SV2C: variants seen among roughly 807,000 people sequenced by gnomAD.
SV2C encodes the protein synaptic vesicle glycoprotein 2C.
A neutral mutation model predicts 79.7 loss-of-function variants in SV2C; 49 were observed. That is an observed-to-expected ratio of 0.61 (90% CI 0.49 to 0.78). The LOEUF (loss-of-function observed/expected upper bound fraction) is 0.78, where lower values mean the gene tolerates loss of function less well. SV2C is among the 30% of genes least tolerant of loss of function. The probability of loss-of-function intolerance (pLI) is 0.00; values close to 1 mark genes in which losing one functional copy is unlikely to be tolerated. For missense variants in SV2C, 833 were observed against 912.9 expected, an observed-to-expected ratio of 0.91 and a Z score of 1.13; for synonymous variants, 334 against 333.2, an observed-to-expected ratio of 1.00 and a Z score of -0.03.
chr5:76,133,632 G>T (rs1385575910), intron 2 of SV2C, among the ~76,000 whole-genome samples: 1 of 152,186 alleles, frequency 6.6e-6, no homozygotes, highest in African/African-American at 2.4e-5. Context: ...AGGGGTGGGA[G>T]TCAGGAGCAT....
chr5:76,069,276 G>A, the SV2C span, among the ~76,000 whole-genome samples: 1 of 152,172 alleles, frequency 6.6e-6, no homozygotes. Context: ...CAGGCCATCT[G>A]TCTGACTTTA....
intron 1 of SV2C, among the ~76,000 whole-genome samples, chr5:76,116,959 C>T (rs550811547): frequency 7.1e-4 from 108 of 152,130 alleles, no homozygotes; most frequent in African/African-American, 2.6e-3. Flanking sequence ...CATACTTTAC[C>T]CGAGATGGGT....
the SV2C span, among the ~76,000 whole-genome samples, chr5:75,975,006 T>A: frequency 6.6e-6 from 1 of 152,284 alleles, no homozygotes; most frequent in African/African-American, 2.4e-5. Context: ...CTCTTAACTA[T>A]TATAGCATGC....
intron 2 of SV2C, chr5:76,174,164 A>T (rs1205552677): frequency 6.2e-7 from 1 of 1,612,564 alleles, no homozygotes; most frequent in East Asian, 2.2e-5. Flanking sequence ...GCCAAGAACG[A>T]CTAGCTTATA....
At chr5:75,992,695 T>A in the SV2C span, among the ~76,000 whole-genome samples, 65 of 152,088 alleles carry the variant, frequency 4.3e-4, 1 homozygote, top group Non-Finnish European at 8.1e-4. Flanking sequence ...CGTGTGACAT[T>A]TCACAAAAAT....
At chr5:75,872,055 TTATATATA>T in the SV2C span, among the ~76,000 whole-genome samples, 1 of 146,902 alleles carries the variant, frequency 6.8e-6, no homozygotes, top group African/African-American at 2.5e-5. Flanking sequence ...TCATATATAT[TTATATATA>T]CATATATATG....
the SV2C span, among the ~76,000 whole-genome samples, chr5:75,902,105 C>T: frequency 6.6e-6 from 1 of 152,142 alleles, no homozygotes; most frequent in African/African-American, 2.4e-5. Flanking sequence ...CTGACCTGTG[C>T]CCAGTGTCTG....
At chr5:76,152,136 G>GA (rs1749624945) in intron 2 of SV2C, among the ~76,000 whole-genome samples, 1 of 152,226 alleles carries the variant, frequency 6.6e-6, no homozygotes. Flanking sequence ...CTTCTGAGGG[G>GA]ACGGGGCTGA....
intron 4 of SV2C, among the ~76,000 whole-genome samples, chr5:76,246,344 A>C (rs1378880377): frequency 2.0e-5 from 3 of 152,218 alleles, no homozygotes; most frequent in Non-Finnish European, 2.9e-5. Context: ...AAATAGAAAA[A>C]TAAGTGATTA....
At chr5:75,857,458 A>G in the SV2C span, among the ~76,000 whole-genome samples, 2 of 151,762 alleles carry the variant, frequency 1.3e-5, no homozygotes, top group South Asian at 4.2e-4. Context: ...ATTCTGTTCC[A>G]TTGGTCTGTG....
chr5:75,875,351 A>G, the SV2C span, among the ~76,000 whole-genome samples: 16 of 152,202 alleles, frequency 1.1e-4, no homozygotes, highest in African/African-American at 3.6e-4. Context: ...AACTCAATAA[A>G]TGGTGCTGGG....
chr5:75,995,767 C>T, the SV2C span, among the ~76,000 whole-genome samples: 1 of 152,078 alleles, frequency 6.6e-6, no homozygotes, highest in Non-Finnish European at 1.5e-5. Flanking sequence ...GAAAACTTGA[C>T]ATTAGAAGCT....
At chr5:75,903,612 T>C in the SV2C span, among the ~76,000 whole-genome samples, 2 of 152,174 alleles carry the variant, frequency 1.3e-5, no homozygotes, top group African/African-American at 4.8e-5. Context: ...GCCTGCACAG[T>C]CTTGTTAAAA....
At chr5:76,028,178 C>T in the SV2C span, among the ~76,000 whole-genome samples, 18 of 152,180 alleles carry the variant, frequency 1.2e-4, no homozygotes, top group African/African-American at 4.3e-4. Context: ...AGCTTGGAAA[C>T]AACCATAGGG....
chr5:76,131,984 C>A lies in SV2C; in HGVS notation c.234C>A (p.Ala78=). Residue 78 remains alanine (A), a synonymous_variant, in exon 2 of 13, where the codon GCC becomes GCA. Coordinates refer to ENST00000502798, the MANE Select transcript of SV2C (RefSeq NM_014979.4). The part of the protein sequence containing the change: ...EANDDEGSSE[A]TEGHDEDDEI... ...ACGATGACGAAGGCTCAAGTGAAGCCACTGAGGGGCATGATGAAGATGATG... is the reference window on the plus strand; with the variant it reads ...ACGATGACGAAGGCTCAAGTGAAGCAACTGAGGGGCATGATGAAGATGATG... 1 of 1,613,630 alleles carries A rather than the reference C, an allele frequency of 6.2e-7. No homozygotes were observed.
chr5:75,970,467 C>A, the SV2C span, among the ~76,000 whole-genome samples: 1 of 151,902 alleles, frequency 6.6e-6, no homozygotes, highest in East Asian at 1.9e-4. Context: ...ATCAAATAGA[C>A]GCAATAAAAA....
At chr5:76,148,065 A>G (rs1030884551) in intron 2 of SV2C, among the ~76,000 whole-genome samples, 1 of 152,206 alleles carries the variant, frequency 6.6e-6, no homozygotes, top group African/African-American at 2.4e-5. Flanking sequence ...ATTATATATT[A>G]AATAAGAGCA....
chr5:76,007,231 G>A, the SV2C span, among the ~76,000 whole-genome samples: 1 of 151,388 alleles, frequency 6.6e-6, no homozygotes, highest in Non-Finnish European at 1.5e-5. Flanking sequence ...ATTTGTGTAT[G>A]CCTCCCTTCC....
the SV2C span, among the ~76,000 whole-genome samples, chr5:75,900,450 C>T: frequency 6.6e-6 from 1 of 152,220 alleles, no homozygotes. Flanking sequence ...GTCTGATGGG[C>T]TTCCCTTTGT....
Sources: allele counts gnomAD v4.1 joint callset (sites outside exome capture counted in the v4.1 genomes callset), GRCh38; gene constraint gnomAD v4.1.1; transcripts MANE v1.5; gene names NCBI Gene and HGNC (gene_info 2026-07-23, HGNC 2026-07-21).